CPAMD8: variants seen among roughly 807,000 people sequenced by gnomAD.
CPAMD8 encodes C3 and PZP like alpha-2-macroglobulin domain containing 8.
In CPAMD8, 146 loss-of-function variants were observed where a neutral mutation model predicts 224.7. The observed-to-expected ratio is 0.65, with a 90% CI of 0.57 to 0.75. CPAMD8 has a LOEUF of 0.75. CPAMD8 is among the 30% of genes least tolerant of loss of function. The probability of loss-of-function intolerance (pLI) is 0.00; values close to 1 mark genes in which losing one functional copy is unlikely to be tolerated. For missense variants in CPAMD8, 2,301 were observed against 2,537.5 expected (o/e 0.91, Z 2.00); for synonymous variants, 966 against 1,044.6 (o/e 0.92, Z 1.45).
At chr19:16,924,774 G>A (rs923787806) in intron 26 of CPAMD8, among the ~76,000 whole-genome samples, 10 of 151,828 alleles carry the variant, frequency 6.6e-5, no homozygotes, top group Non-Finnish European at 1.0e-4. Context: ...TGTAGAGACC[G>A]GGGTCTTGCT....
intron 27 of CPAMD8, among the ~76,000 whole-genome samples, chr19:16,918,441 ACTTTTT>A (rs1568473999): frequency 2.1e-5 from 3 of 146,198 alleles, no homozygotes; most frequent in Non-Finnish European, 3.0e-5. Context: ...AATTTTTAAA[ACTTTTT>A]TTTTTTTTTT....
rs370568206 is a variant in CPAMD8, at chr19:17,005,003, G to T, written c.560-617C>A. Among the ~76,000 whole-genome samples the T allele has an allele frequency of 1.9e-4, 28 of 150,604 alleles. No homozygotes were observed. In the East Asian group the frequency reaches 5.5e-3, roughly 30 times the overall value. The stretch of plus-strand genomic sequence containing the variant: ...GAGAGAAACAGACAAGACAGACAGG[G>T]TCTCCTGCCAGGATAGGGTTTCTCA... On this transcript the variant is annotated intron_variant, in intron 7 of 41. Coordinates refer to ENST00000443236, the MANE Select transcript of CPAMD8 (RefSeq NM_015692.5).
chr19:17,020,265 C>T (rs543300662), intron 3 of CPAMD8, 66 bp downstream of exon 3: 34 of 1,252,302 alleles, frequency 2.7e-5, no homozygotes, highest in Non-Finnish European at 3.1e-5. Flanking sequence ...TGAGCCACCA[C>T]GCCTGGCCCA....
At chr19:16,911,235 C>T (rs1343971551) in intron 29 of CPAMD8, among the ~76,000 whole-genome samples, 6 of 152,128 alleles carry the variant, frequency 3.9e-5, no homozygotes, top group Admixed American at 3.3e-4. Flanking sequence ...CACTCCCTAT[C>T]GCTTGTATTA....
chr19:17,018,920 G>GA (rs112768289), intron 3 of CPAMD8, among the ~76,000 whole-genome samples: 28,011 of 140,474 alleles, frequency 0.2, 3,711 homozygotes, highest in African/African-American at 0.36. Context: ...AAAAAAAAAA[G>GA]AAAAAAAAAA....
At chr19:16,942,232 C>T (rs541431286) in intron 22 of CPAMD8, among the ~76,000 whole-genome samples, 19 of 152,212 alleles carry the variant, frequency 1.2e-4, no homozygotes, top group East Asian at 7.8e-4. Context: ...GAGACCGAGG[C>T]GGGCGGGTCA....
At chr19:16,978,757 C>A (rs143791127) in intron 14 of CPAMD8, among the ~76,000 whole-genome samples, 1 of 152,186 alleles carries the variant, frequency 6.6e-6, no homozygotes, top group Non-Finnish European at 1.5e-5. Flanking sequence ...ATCCATCCAT[C>A]CATCTATCCA....
In CPAMD8 at chr19:16,957,954, A is replaced by G. The variant is rs769170980; in HGVS notation, c.2214-39T>C. 7.0e-6 allele frequency: 11 copies of G among 1,579,302 alleles called. No individual in the cohort carries two copies. In the Admixed American group the frequency reaches 1.2e-4, roughly 17 times the overall value. ...AAAAGAAACGATTAAGGTTTCATGA[A>G]CATAACAAATCTTATGTGAACCTAG... On this transcript the variant is annotated intron_variant, in intron 18 of 41. Transcript: ENST00000443236.
chr19:17,005,880 T>C (rs1347538976), intron 7 of CPAMD8, among the ~76,000 whole-genome samples: 1 of 152,198 alleles, frequency 6.6e-6, no homozygotes, highest in African/African-American at 2.4e-5. Context: ...GTAAGGGGTC[T>C]GTGGCCAACT....
chr19:16,922,014 C>T, intron 26 of CPAMD8, 28 bp from the exon 27 acceptor site: 4 of 1,514,146 alleles, frequency 2.6e-6, no homozygotes, highest in Non-Finnish European at 3.6e-6. Context: ...AGGACCCTGT[C>T]CTGTTGAGTG....
intron 13 of CPAMD8, among the ~76,000 whole-genome samples, chr19:16,986,654 A>G (rs2055732242): frequency 6.6e-6 from 1 of 152,108 alleles, no homozygotes; most frequent in African/African-American, 2.4e-5. Flanking sequence ...CGATATGATC[A>G]GAAAAGGAGT....
At chr19:16,906,374 CTTTCTTTCTTTCTTTCTTTCTTTCT>C (rs1568459374) in intron 30 of CPAMD8, among the ~76,000 whole-genome samples, 2,806 of 93,612 alleles carry the variant, frequency 0.03, 118 homozygotes, top group Non-Finnish European at 0.044. Context: ...TTCTTTCTTT[CTTTCTTTCTTTCTTTCTTTCTTTCT>C]TTCTTTCTTT....
intron 12 of CPAMD8, among the ~76,000 whole-genome samples, chr19:16,992,642 G>C (rs2055995137): frequency 6.6e-6 from 1 of 151,998 alleles, no homozygotes; most frequent in Non-Finnish European, 1.5e-5. Context: ...AGTAGAGATG[G>C]GGTTTTGCCA....
chr19:16,904,176 A>AGGCGC, intron 32 of CPAMD8, 50 bp downstream of exon 32: 1 of 937,338 alleles, frequency 1.1e-6, no homozygotes, highest in Non-Finnish European at 1.7e-6. Flanking sequence ...GACTGCAGGG[A>AGGCGC]CCCCACCCAC....
In CPAMD8 at chr19:16,980,537, G is replaced by T; in HGVS notation, c.1545C>A (p.Ala515=). Residue 515 remains alanine, a synonymous_variant, in exon 14 of 42, where the codon GCC becomes GCA. Transcript: ENST00000443236. ...TQQRSKRAAP[A]LEKPIRLTHL... is the part of the protein sequence containing the mutation. ...GTGTTAAACGAATCGGTTTCTCCAG[G>T]GCAGGGGCCGCCCGCTTGCTTCGCT... 1 of 1,614,026 alleles carries T rather than the reference G, an allele frequency of 6.2e-7. No individual in the cohort carries two copies. The highest frequency in any genetic ancestry group is 8.5e-7 in the Non-Finnish European group (1 of 1,179,984).
chr19:16,964,963 G>T (rs2054779519), intron 18 of CPAMD8, among the ~76,000 whole-genome samples: 1 of 152,040 alleles, frequency 6.6e-6, no homozygotes, highest in Admixed American at 6.6e-5. Flanking sequence ...CTCAATAGAT[G>T]CAAAAAAGGT....
intron 7 of CPAMD8, among the ~76,000 whole-genome samples, chr19:17,006,883 C>T (rs960002139): frequency 1.3e-5 from 2 of 152,190 alleles, no homozygotes; most frequent in Admixed American, 6.6e-5. Flanking sequence ...TGACATTATC[C>T]AGGCTGTTTA....
In CPAMD8 at chr19:17,022,075, C is replaced by G. The variant is rs1273793134; in HGVS notation, c.199G>C (p.Val67Leu). The change falls in exon 2 of 42, where the codon GTG becomes CTG. Residue 67 changes from valine to leucine, a missense_variant. By Grantham distance (32) the Val-to-Leu change is conservative. This residue lies in a region of CPAMD8 where 283 missense variants were observed against 340.6 expected (regional missense o/e 0.83). Coordinates refer to ENST00000443236, the MANE Select transcript of CPAMD8 (RefSeq NM_015692.5). Reference sequence around the variant, plus strand: ...TGCACCACCGGCTCACCCTGGGCCACCAGCTGAGCCTGGACCGTGACTTCC... The same window carrying G: ...TGCACCACCGGCTCACCCTGGGCCAGCAGCTGAGCCTGGACCGTGACTTCC... The part of the protein sequence containing the change: ...PREVTVQAQL[V>L]AQGEPVVQSQ... 1 of 1,606,204 alleles carries G rather than the reference C, an allele frequency of 6.2e-7. No individual in the cohort carries two copies. Among genetic ancestry groups the G allele is most frequent in the South Asian group, 1.1e-5 (1 of 89,532 alleles).
At chr19:17,013,052 G>T (rs1046561670) in intron 3 of CPAMD8, among the ~76,000 whole-genome samples, 1 of 151,696 alleles carries the variant, frequency 6.6e-6, no homozygotes, top group African/African-American at 2.4e-5. Context: ...GTGGTGGTGG[G>T]CACCTGTAAT....
Sources: gnomAD v4.1 joint callset for allele counts (sites outside exome capture counted in the v4.1 genomes callset) on GRCh38, gnomAD v4.1.1 for gene constraint, gnomAD v4.1.1 regional missense constraint, MANE v1.5 for transcripts, NCBI Gene and HGNC (gene_info 2026-07-23, HGNC 2026-07-21) for gene names.